The following DGKB variants were observed in gnomAD, a reference collection of about 807,000 sequenced individuals.
The protein encoded by DGKB is diacylglycerol kinase beta.
DGKB carries 67 observed loss-of-function variants against 114.3 expected under a neutral mutation model. The observed-to-expected ratio is 0.59, with a 90% CI of 0.48 to 0.72. The LOEUF (loss-of-function observed/expected upper bound fraction) is 0.72. Ranked by LOEUF, DGKB falls within the 30% of genes least tolerant of loss-of-function variation. The pLI, the probability that DGKB is intolerant of heterozygous loss-of-function variation, is 0.00. For missense variants in DGKB, 907 were observed against 975.2 expected (o/e 0.93, Z 0.93); for synonymous variants, 398 against 323.1 (o/e 1.23, Z -2.49).
chr7:14,546,520 A>G (rs1794310141), intron 20 of DGKB, among the ~76,000 whole-genome samples: 1 of 152,148 alleles, frequency 6.6e-6, no homozygotes, highest in Non-Finnish European at 1.5e-5. Context: ...CCTCCTCACA[A>G]TTTAATGCTC....
At chr7:14,543,993 T>C (rs1793895468) in intron 20 of DGKB, among the ~76,000 whole-genome samples, 1 of 152,212 alleles carries the variant, frequency 6.6e-6, no homozygotes. Context: ...CATTTTCATG[T>C]CTTATTAAAT....
At chr7:14,392,989 G>GTTTTTTTT (rs776845811) in intron 21 of DGKB, among the ~76,000 whole-genome samples, 35 of 10,164 alleles carry the variant, frequency 3.4e-3, no homozygotes, top group South Asian at 6.4e-3. Context: ...CCTGTTTTTT[G>GTTTTTTTT]TTTTTGTTTT....
Position 14,937,048 on chromosome 7 carries a change from AC to A in DGKB, c.-188+37647del, listed in dbSNP as rs1562888312. ...ACTACACACACACACACACACACAC[AC>A]ACACACACACACACACACACACACA... On this transcript the variant is annotated intron_variant, in intron 1 of 4. Transcript: ENST00000437998. Among the ~76,000 whole-genome samples the A allele has an allele frequency of 4.3e-4, 64 of 147,970 alleles. 1 individual carries two copies. Among genetic ancestry groups the A allele is most frequent in the South Asian group, 1.5e-3 (7 of 4,524 alleles).
intron 2 of DGKB, among the ~76,000 whole-genome samples, chr7:14,805,908 A>G (rs559466068): frequency 3.3e-4 from 50 of 150,620 alleles, no homozygotes; most frequent in Middle Eastern, 6.9e-3. Context: ...TTATAATAAT[A>G]TTTTAGAAAA....
chr7:14,327,986 T>A (rs574660851), intron 23 of DGKB, among the ~76,000 whole-genome samples: 1 of 152,144 alleles, frequency 6.6e-6, no homozygotes, highest in Non-Finnish European at 1.5e-5. Context: ...CTATTTTATA[T>A]GGAAGTCACA....
chr7:14,152,651 C>G (rs1034960921), intron 25 of DGKB, among the ~76,000 whole-genome samples: 1 of 151,844 alleles, frequency 6.6e-6, no homozygotes, highest in African/African-American at 2.4e-5. Context: ...ACTATAAATA[C>G]GAAAAATGTG....
chr7:14,834,172 T>G (rs1217358398), intron 2 of DGKB, among the ~76,000 whole-genome samples: 1 of 152,160 alleles, frequency 6.6e-6, no homozygotes, highest in African/African-American at 2.4e-5. Flanking sequence ...TACATAAGCC[T>G]TAGTGATAAT....
intron 21 of DGKB, among the ~76,000 whole-genome samples, chr7:14,378,457 A>G (rs1818846985): frequency 6.6e-6 from 1 of 152,256 alleles, no homozygotes. Context: ...TATCTATGGA[A>G]CATCTTTGTA....
At chr7:14,718,004 A>T (rs1007932716) in intron 6 of DGKB, among the ~76,000 whole-genome samples, 1 of 152,240 alleles carries the variant, frequency 6.6e-6, no homozygotes, top group African/African-American at 2.4e-5. Flanking sequence ...TTTAAGAAAC[A>T]AAGCTATTGT....
At chr7:14,486,417 A>G (rs1419829319) in intron 20 of DGKB, among the ~76,000 whole-genome samples, 1 of 152,230 alleles carries the variant, frequency 6.6e-6, no homozygotes, top group African/African-American at 2.4e-5. Context: ...GTATGTCCAA[A>G]GGGACAATGT....
At chr7:14,190,756 C>T (rs1784178306) in intron 23 of DGKB, 1 of 152,268 alleles carries the variant, frequency 6.6e-6, no homozygotes, top group South Asian at 2.1e-4. Flanking sequence ...ACGTTTGCAG[C>T]TAGAACACCA....
intron 20 of DGKB, among the ~76,000 whole-genome samples, chr7:14,558,714 A>G (rs1296124020): frequency 6.6e-6 from 1 of 152,194 alleles, no homozygotes. Flanking sequence ...TGTCTAAGTG[A>G]GAAACTCTAC....
chr7:14,972,216 T>A (rs1656738702), intron 1 of DGKB, among the ~76,000 whole-genome samples: 1 of 152,142 alleles, frequency 6.6e-6, no homozygotes, highest in African/African-American at 2.4e-5. Context: ...TAATGTATCA[T>A]CATACTATAA....
At chr7:14,304,673 T>A (rs1409426600) in intron 23 of DGKB, among the ~76,000 whole-genome samples, 1 of 152,184 alleles carries the variant, frequency 6.6e-6, no homozygotes, top group Non-Finnish European at 1.5e-5. Flanking sequence ...ATAAATGTCA[T>A]CTGATTTTCA....
intron 20 of DGKB, among the ~76,000 whole-genome samples, chr7:14,524,912 T>C (rs1790401353): frequency 6.6e-6 from 1 of 152,062 alleles, no homozygotes; most frequent in South Asian, 2.1e-4. Flanking sequence ...CTGAAATACA[T>C]ACACACTAAA....
intron 21 of DGKB, among the ~76,000 whole-genome samples, chr7:14,446,425 A>G (rs1276587377): frequency 6.6e-6 from 1 of 152,138 alleles, no homozygotes; most frequent in East Asian, 1.9e-4. Flanking sequence ...TAGGGCAAAG[A>G]GCAGTTAAAC....
chr7:14,620,119 T>A (rs1233376734), intron 15 of DGKB, among the ~76,000 whole-genome samples: 4 of 151,598 alleles, frequency 2.6e-5, no homozygotes, highest in African/African-American at 9.7e-5. Context: ...ATAGATTTTA[T>A]ATTTGACAGC....
intron 21 of DGKB, among the ~76,000 whole-genome samples, chr7:14,469,916 T>C (rs1001519196): frequency 3.9e-5 from 6 of 152,026 alleles, no homozygotes; most frequent in East Asian, 1.9e-4. Flanking sequence ...CAAATACATA[T>C]ATGTATACAC....
rs566529151 is a variant in DGKB, at chr7:14,461,461, G to A, written c.1835+16700C>T. ...CACAGAAATACAAACTACCATCAGA[G>A]AATACTATAAATACCACTATGTAAA... On this transcript the variant is annotated intron_variant, in intron 21 of 25. Transcript: ENST00000402815. Among the ~76,000 whole-genome samples the A allele has an allele frequency of 2.3e-3, 356 of 152,060 alleles. 1 individual carries two copies. Among genetic ancestry groups the A allele is most frequent in the Non-Finnish European group, 4.0e-3 (272 of 67,978 alleles).
Sources: gnomAD v4.1 joint callset for allele counts (sites outside exome capture counted in the v4.1 genomes callset) on GRCh38, gnomAD v4.1.1 for gene constraint, MANE v1.5 for transcripts, NCBI Gene and HGNC (gene_info 2026-07-23, HGNC 2026-07-21) for gene names.